CRTAP: variants seen among roughly 807,000 people sequenced by gnomAD.
The protein encoded by CRTAP is cartilage-associated protein.
In CRTAP, 33 loss-of-function variants were observed where a neutral mutation model predicts 42.7. That is an observed-to-expected ratio of 0.77 (90% CI 0.59 to 1.03). The LOEUF (loss-of-function observed/expected upper bound fraction) is 1.03. Ranked by LOEUF, CRTAP falls within the 50% of genes least tolerant of loss-of-function variation. The pLI, the probability that CRTAP is intolerant of heterozygous loss-of-function variation, is 0.00. For missense variants in CRTAP, 613 were observed against 533.9 expected, an observed-to-expected ratio of 1.15 and a Z score of -1.46; for synonymous variants, 243 against 217.7, an observed-to-expected ratio of 1.12 and a Z score of -1.02.
chr3:33,134,095 A>G (rs1575519197), intron 5 of CRTAP, 87 bp from the exon 6 acceptor site: 5 of 903,018 alleles, frequency 5.5e-6, no homozygotes, highest in Non-Finnish European at 9.4e-6. Context: ...TCACCTTAGA[A>G]AAAACCCCAT....
intron 2 of CRTAP, among the ~76,000 whole-genome samples, chr3:33,120,776 T>C (rs1195487611): frequency 6.6e-6 from 1 of 152,174 alleles, no homozygotes; most frequent in African/African-American, 2.4e-5. Flanking sequence ...TAAAGACATA[T>C]CTTGGAAATC....
intron 3 of CRTAP, among the ~76,000 whole-genome samples, chr3:33,125,125 A>G (rs2030021562): frequency 6.6e-6 from 1 of 152,236 alleles, no homozygotes. Context: ...GTGCCTAGAC[A>G]TTTCCCAAGT....
At chr3:33,131,491 G>A (rs1344400150) in intron 4 of CRTAP, among the ~76,000 whole-genome samples, 1 of 152,172 alleles carries the variant, frequency 6.6e-6, no homozygotes, top group Non-Finnish European at 1.5e-5. Context: ...CTGGGCCTCT[G>A]AAATCCTCAC....
chr3:33,114,092 C>T lies in CRTAP; in HGVS notation c.15C>T (p.Arg5=), dbSNP rs1701306713. 6.8e-7 allele frequency: 1 copy of T among 1,463,144 alleles called. No homozygotes were observed. The highest frequency in any genetic ancestry group is 1.3e-5 in the South Asian group (1 of 75,898). The allele number at this position is 1,463,144 out of a possible 1,614,324, so 90.6% of individuals were successfully genotyped here. The change falls in exon 1 of 7, where the codon CGC becomes CGT. Residue 5 remains arginine (R), a synonymous_variant. Coordinates refer to ENST00000320954, the MANE Select transcript of CRTAP (RefSeq NM_006371.5). MEPG[R]RGAAALLALL... ...CGCCGGGCGCGATGGAGCCGGGGCGCCGGGGGGCCGCGGCGCTGCTAGCGC... is the reference window on the plus strand; with the variant it reads ...CGCCGGGCGCGATGGAGCCGGGGCGTCGGGGGGCCGCGGCGCTGCTAGCGC...
At position 33,114,267 on chromosome 3, in the gene CRTAP, G is replaced by C. The variant is rs980362184; in HGVS notation, c.190G>C (p.Val64Leu). 3.2e-6 allele frequency: 5 copies of C among 1,582,438 alleles called. No homozygotes were observed. The highest frequency in any genetic ancestry group is 4.3e-6 in the Non-Finnish European group (5 of 1,171,210). ...KYSGEHWAES[V>L]GYLEISLRLH... is the part of the protein sequence containing the mutation. ...CAGCGGCGAGCACTGGGCCGAGAGC[G>C]TGGGCTACCTGGAGATCAGCCTGCG... The change falls in exon 1 of 7, where the codon GTG (valine) becomes CTG (leucine). Residue 64 changes from valine to leucine, a missense_variant. Transcript: ENST00000320954.
In CRTAP at chr3:33,134,205, G is replaced by A. The variant is rs1199623005; in HGVS notation, c.1092G>A (p.Val364=). ...AGGAAGCAGTTCAGTTCTTTAATGT[G>A]ACCACACTCCAGAAGGAGCTGTATG... ...PRPEAVQFFN[V]TTLQKELYDF... The change falls in exon 6 of 7, where the codon GTG becomes GTA. Residue 364 remains valine (V), a synonymous_variant. Transcript: ENST00000320954. The A allele has an allele frequency of 6.2e-7, 1 of 1,613,394 alleles. No homozygotes were observed. Among genetic ancestry groups the A allele is most frequent in the Non-Finnish European group, 8.5e-7 (1 of 1,179,352 alleles).
chr3:33,136,542 A>G (rs2030422794), intron 6 of CRTAP, among the ~76,000 whole-genome samples: 1 of 152,150 alleles, frequency 6.6e-6, no homozygotes, highest in South Asian at 2.1e-4. Context: ...CTTGAGCCCA[A>G]GACTAGCCTG....
At chr3:33,132,392 C>T (rs568266827) in intron 4 of CRTAP, among the ~76,000 whole-genome samples, 163 bp from the exon 5 acceptor site, 4 of 152,294 alleles carry the variant, frequency 2.6e-5, no homozygotes, top group East Asian at 3.9e-4. Context: ...CCGTGGAGAC[C>T]CCATCTGTGG....
At chr3:33,141,970 G>A (rs1304736395) in intron 6 of CRTAP, among the ~76,000 whole-genome samples, 1 of 152,152 alleles carries the variant, frequency 6.6e-6, no homozygotes, top group African/African-American at 2.4e-5. Context: ...CTGGACTCTG[G>A]GGAAGAAAAA....
intron 3 of CRTAP, among the ~76,000 whole-genome samples, 159 bp from the exon 4 acceptor site, chr3:33,129,780 G>A (rs933409335): frequency 5.3e-5 from 8 of 151,800 alleles, no homozygotes; most frequent in East Asian, 3.9e-4. Context: ...CTTGTGATTC[G>A]CCCGCCTCAG....
At chr3:33,130,261 C>T (rs1382160448) in intron 4 of CRTAP, among the ~76,000 whole-genome samples, 194 bp downstream of exon 4, 2 of 152,146 alleles carry the variant, frequency 1.3e-5, no homozygotes, top group African/African-American at 4.8e-5. Context: ...TGCCTGGGTT[C>T]GATTTCAGCC....
rs774191078 is a variant in CRTAP at position 33,124,426 on chromosome 3, G to T, written c.640G>T (p.Val214Leu). Residue 214 changes from valine (V) to leucine (L), a missense_variant, in exon 3 of 7, where the codon GTG (valine) becomes TTG (leucine). By Grantham distance (32) the Val-to-Leu change is conservative. Coordinates refer to ENST00000320954, the MANE Select transcript of CRTAP (RefSeq NM_006371.5). ...KSYESLFIRA[V>L]RAYNGENWRT... ...CTTTCAGAGCCTGTTCATCCGAGCAGTGCGGGCATACAACGGTGAGAACTG... is the reference window on the plus strand; with the variant it reads ...CTTTCAGAGCCTGTTCATCCGAGCATTGCGGGCATACAACGGTGAGAACTG... 1 of 1,614,036 alleles carries T rather than the reference G, an allele frequency of 6.2e-7. No homozygotes were observed.
At position 33,114,337 on chromosome 3, in the gene CRTAP, A is replaced by G. The variant is rs1322693360; in HGVS notation, c.260A>G (p.Asn87Ser). Residue 87 changes from asparagine (N) to serine (S), a missense_variant, in exon 1 of 7, where the codon AAC (asparagine) becomes AGC (serine). By Grantham distance (46) the Asn-to-Ser change is conservative. Transcript: ENST00000320954. ...GACAGCGAGGCCTTCTGCCACCGCAACTGCAGCGCCGCGCCGCAGCCCGAG... is the reference window on the plus strand; with the variant it reads ...GACAGCGAGGCCTTCTGCCACCGCAGCTGCAGCGCCGCGCCGCAGCCCGAG... ...LRDSEAFCHRNCSAAPQPEPA... is the reference protein window; with the variant it reads ...LRDSEAFCHRSCSAAPQPEPA... 1 of 1,532,266 alleles carries G rather than the reference A, an allele frequency of 6.5e-7. No individual in the cohort carries two copies. Among genetic ancestry groups the G allele is most frequent in the Non-Finnish European group, 8.7e-7 (1 of 1,146,548 alleles). The allele number at this position is 1,532,266 out of a possible 1,614,324, so 94.9% of individuals were successfully genotyped here. A position where few individuals can be genotyped will look rare whatever the true frequency, so the allele number is the denominator to read the frequency against.
rs1163784955 is a variant in CRTAP at position 33,142,951 on chromosome 3, G to C, written c.*503G>C. 1.2e-5 allele frequency: 2 copies of C among 168,714 alleles called. No individual in the cohort carries two copies. The highest frequency in any genetic ancestry group is 4.8e-5 in the African/African-American group (2 of 41,946). 10.5% of individuals were successfully genotyped at this position (168,714 alleles called of 1,614,324 possible). A position where few individuals can be genotyped will look rare whatever the true frequency, so the allele number is the denominator to read the frequency against. Reference sequence around the variant, plus strand: ...TTACAGGCGTGAGCCACCATGCCCGGCCTCTTTCTCACCTTTACACCTGTC... The same window carrying C: ...TTACAGGCGTGAGCCACCATGCCCGCCCTCTTTCTCACCTTTACACCTGTC... On this transcript the variant is annotated 3_prime_UTR_variant, in exon 7 of 7. Coordinates refer to ENST00000320954, the MANE Select transcript of CRTAP (RefSeq NM_006371.5).
At chr3:33,138,673 A>G (rs2030491098) in intron 6 of CRTAP, among the ~76,000 whole-genome samples, 2 of 152,154 alleles carry the variant, frequency 1.3e-5, no homozygotes, top group African/African-American at 4.8e-5. Flanking sequence ...TTCTTGCGTA[A>G]TTGTTCTAGT....
intron 3 of CRTAP, among the ~76,000 whole-genome samples, chr3:33,125,284 A>G (rs192270225): frequency 2.0e-5 from 3 of 152,294 alleles, no homozygotes; most frequent in African/African-American, 7.2e-5. Flanking sequence ...TAAAGGTATC[A>G]TGTCTATGTA....
chr3:33,116,692 T>C (rs530106144), intron 1 of CRTAP, among the ~76,000 whole-genome samples: 3 of 152,354 alleles, frequency 2.0e-5, no homozygotes, highest in African/African-American at 7.2e-5. Context: ...AGATCTCATA[T>C]AGGGCAGGAA....
chr3:33,142,112 A>G (rs904608264), intron 6 of CRTAP, among the ~76,000 whole-genome samples: 1 of 152,174 alleles, frequency 6.6e-6, no homozygotes, highest in African/African-American at 2.4e-5. Context: ...AGAGATGCAC[A>G]CAGGAGGGCC....
chr3:33,139,193 C>T (rs553359307), intron 6 of CRTAP, among the ~76,000 whole-genome samples: 1 of 152,024 alleles, frequency 6.6e-6, no homozygotes, highest in African/African-American at 2.4e-5. Context: ...ATCCTAGCTA[C>T]TCAGGAGGCT....
Sources: gnomAD v4.1 joint callset for allele counts (sites outside exome capture counted in the v4.1 genomes callset) on GRCh38, gnomAD v4.1.1 for gene constraint, MANE v1.5 for transcripts, NCBI Gene and HGNC (gene_info 2026-07-23, HGNC 2026-07-21) for gene names.